The following KANK1 variants were observed in gnomAD, a reference collection of about 807,000 sequenced individuals.
KANK1 encodes the protein KN motif and ankyrin repeat domain-containing protein 1.
A neutral mutation model predicts 106.2 loss-of-function variants in KANK1; 109 were observed. That is an observed-to-expected ratio of 1.03 (90% CI 0.88 to 1.20). The LOEUF is 1.20. KANK1 is among the 50% of genes most tolerant of loss of function. The pLI, the probability that KANK1 is intolerant of heterozygous loss-of-function variation, is 0.00. For synonymous variants in KANK1, 873 were observed against 652.2 expected (o/e 1.34, Z -5.16); for missense variants, 2,399 against 1,710.7 (o/e 1.40, Z -7.10).
intron 1 of KANK1, among the ~76,000 whole-genome samples, chr9:650,295 T>A (rs1008977151): frequency 1.3e-5 from 2 of 152,212 alleles, no homozygotes; most frequent in African/African-American, 4.8e-5. Context: ...TATTTAATTC[T>A]TGCAAAGTGA....
At chr9:529,254 C>G (rs200291822) in intron 1 of KANK1, among the ~76,000 whole-genome samples, 1 of 150,532 alleles carries the variant, frequency 6.6e-6, no homozygotes. Flanking sequence ...CACACACACA[C>G]ATATACACAC....
intron 1 of KANK1, among the ~76,000 whole-genome samples, chr9:519,247 C>G (rs1253638987): frequency 6.6e-6 from 1 of 151,752 alleles, no homozygotes; most frequent in Non-Finnish European, 1.5e-5. Flanking sequence ...AGCCCGCTCT[C>G]ACGACAGCCT....
chr9:711,752 C>T lies in KANK1; in HGVS notation c.986C>T (p.Ala329Val). Reference sequence around the variant, plus strand: ...AAGCGGTCCTATAGTGCGGGGAACGCCTCCCAGCTGGAACAGCTCTCCCGG... The same window carrying T: ...AAGCGGTCCTATAGTGCGGGGAACGTCTCCCAGCTGGAACAGCTCTCCCGG... ...VRKRSYSAGN[A>V]SQLEQLSRAR... The change falls in exon 3 of 12, where the codon GCC (alanine) becomes GTC (valine). Residue 329 changes from alanine to valine, a missense_variant. Transcript: ENST00000382297. 6.2e-7 allele frequency: 1 copy of T among 1,614,196 alleles called. No homozygotes were observed. Among genetic ancestry groups the T allele is most frequent in the South Asian group, 1.1e-5 (1 of 91,086 alleles).
chr9:613,837 T>A (rs1831152087), intron 1 of KANK1, among the ~76,000 whole-genome samples: 1 of 152,138 alleles, frequency 6.6e-6, no homozygotes, highest in Admixed American at 6.5e-5. Context: ...GTCACCAGCC[T>A]TTTGGGAAGT....
chr9:494,813 C>A (rs2058433878), intron 3 of KANK1, among the ~76,000 whole-genome samples: 1 of 152,018 alleles, frequency 6.6e-6, no homozygotes, highest in South Asian at 2.1e-4. Context: ...TCCAGTTTTT[C>A]AAAATAATAA....
At chr9:512,965 C>T (rs1410966) in intron 1 of KANK1, among the ~76,000 whole-genome samples, 24,619 of 152,094 alleles carry the variant, frequency 0.16, 3,634 homozygotes, top group African/African-American at 0.4. Flanking sequence ...CCATTCTTTA[C>T]CAGGCCGTAG....
chr9:740,961 G>C (rs1317263221), intron 9 of KANK1, 27 bp downstream of exon 9: 2 of 1,612,760 alleles, frequency 1.2e-6, no homozygotes, highest in East Asian at 2.2e-5. Flanking sequence ...CCTGTGCTCA[G>C]GAATGCACCC....
At chr9:492,791 G>A (rs1008056344) in intron 3 of KANK1, among the ~76,000 whole-genome samples, 7 of 152,122 alleles carry the variant, frequency 4.6e-5, no homozygotes, top group Admixed American at 6.5e-5. Context: ...TTGGGAGGCC[G>A]AGGCGGGTGG....
chr9:697,242 G>A (rs1346839031), intron 2 of KANK1, among the ~76,000 whole-genome samples: 1 of 152,088 alleles, frequency 6.6e-6, no homozygotes, highest in African/African-American at 2.4e-5. Context: ...TTCAGGCAGG[G>A]TCCAGGCCAT....
At chr9:693,783 G>T (rs766034492) in intron 2 of KANK1, 10 of 985,372 alleles carry the variant, frequency 1.0e-5, no homozygotes, top group Non-Finnish European at 1.1e-5. Flanking sequence ...TTGTTTCTGG[G>T]TGGGTAAGTA....
rs572271218 is a variant in KANK1, at chr9:710,973, G to A, written c.207G>A (p.Pro69=). ...TGAACATCCAGAAGAGGCGGAAGCC[G>A]TCCGTGCCATGCCCAGAACCCAGGA... ...KRLNIQKRRK[P]SVPCPEPRTT... is the part of the protein sequence containing the mutation. The change falls in exon 3 of 12, where the codon CCG becomes CCA. Residue 69 remains proline (P), a synonymous_variant. Coordinates refer to ENST00000382297, the MANE Select transcript of KANK1 (RefSeq NM_015158.5). 24 of 1,614,166 alleles carry A rather than the reference G, an allele frequency of 1.5e-5. No homozygotes were observed. The highest frequency in any genetic ancestry group is 1.6e-4 in the Middle Eastern group (1 of 6,062).
chr9:709,817 G>A (rs1191803798), intron 2 of KANK1, among the ~76,000 whole-genome samples: 4 of 151,926 alleles, frequency 2.6e-5, no homozygotes, highest in East Asian at 1.9e-4. Context: ...GTTTTACCAC[G>A]TGTTGGCCAG....
At chr9:597,146 T>C (rs985204246) in intron 1 of KANK1, among the ~76,000 whole-genome samples, 4 of 151,896 alleles carry the variant, frequency 2.6e-5, no homozygotes, top group Non-Finnish European at 1.5e-5. Flanking sequence ...TTTGATTTTT[T>C]CCCCACCTTT....
chr9:742,166 A>C lies in KANK1; in HGVS notation c.3697-39A>C, dbSNP rs1835764511. ...CACTAGAGGCCACCACTGCCAGCTC[A>C]GTACGTACTTCTGAAGTCCTTGTCA... On this transcript the variant is annotated intron_variant, in intron 9 of 11. Transcript: ENST00000382297. The C allele has an allele frequency of 2.5e-6, 4 of 1,573,494 alleles. No individual in the cohort carries two copies. The East Asian group carries it at 9.0e-5, about 35-fold the overall frequency.
chr9:682,569 A>G (rs1264569528), intron 2 of KANK1, among the ~76,000 whole-genome samples: 1 of 152,114 alleles, frequency 6.6e-6, no homozygotes, highest in Non-Finnish European at 1.5e-5. Flanking sequence ...TACCAGTTGA[A>G]GTATTCTTTT....
chr9:626,751 C>G (rs575243105), intron 1 of KANK1, among the ~76,000 whole-genome samples: 3 of 152,342 alleles, frequency 2.0e-5, no homozygotes, highest in Admixed American at 6.5e-5. Context: ...AACAAGCACA[C>G]AGTACTCTCA....
chr9:558,212 T>C (rs940561046), intron 1 of KANK1, among the ~76,000 whole-genome samples: 1 of 152,198 alleles, frequency 6.6e-6, no homozygotes, highest in East Asian at 1.9e-4. Context: ...GGAGCTGTTC[T>C]GTTATATAAA....
intron 1 of KANK1, among the ~76,000 whole-genome samples, chr9:561,943 G>A (rs867173247): frequency 2.0e-5 from 3 of 152,062 alleles, no homozygotes; most frequent in South Asian, 2.1e-4. Context: ...ATGCTGTTAG[G>A]TTGCATGTAT....
chr9:654,385 C>G (rs1300526987), intron 1 of KANK1, among the ~76,000 whole-genome samples: 1 of 152,164 alleles, frequency 6.6e-6, no homozygotes, highest in Non-Finnish European at 1.5e-5. Context: ...AACACCATGT[C>G]AGACTCACTG....
Sources: gnomAD v4.1 joint callset for allele counts (sites outside exome capture counted in the v4.1 genomes callset) on GRCh38, gnomAD v4.1.1 for gene constraint, MANE v1.5 for transcripts, NCBI Gene and HGNC (gene_info 2026-07-23, HGNC 2026-07-21) for gene names.